CHD9: variants seen among roughly 807,000 people sequenced by gnomAD.
The protein encoded by CHD9 is ATP-dependent chromatin remodeler CHD9.
Under a neutral mutation model 316.1 loss-of-function variants are expected in CHD9, and 77 were observed. The ratio of observed to expected loss-of-function variants is 0.24; its 90% confidence interval spans 0.20 to 0.29. The LOEUF is 0.29. CHD9 is among the 10% of genes least tolerant of loss of function. CHD9 has a pLI of 1.00. For synonymous variants in CHD9, 1,129 were observed against 1,158.3 expected (o/e 0.97, Z 0.51); for missense variants, 2,763 against 3,438.1 (o/e 0.80, Z 4.91).
chr16:53,269,889 C>A (rs200493570), intron 22 of CHD9, among the ~76,000 whole-genome samples: 1 of 152,134 alleles, frequency 6.6e-6, no homozygotes, highest in East Asian at 1.9e-4. Context: ...TCCCGCCCCC[C>A]ACAATGAAGA....
At chr16:53,296,879 T>G (rs571138995) in intron 29 of CHD9, 77 bp from the exon 30 acceptor site, 1 of 924,742 alleles carries the variant, frequency 1.1e-6, no homozygotes, top group Non-Finnish European at 1.7e-6. Context: ...TAAGTTTGTA[T>G]TATAGTCATT....
chr16:53,210,595 T>G (rs568240758), intron 3 of CHD9, among the ~76,000 whole-genome samples: 8 of 152,200 alleles, frequency 5.3e-5, no homozygotes, highest in Non-Finnish European at 7.4e-5. Context: ...TTTAGAATTG[T>G]TTTTTCAGGA....
At chr16:53,212,075 G>A (rs905867498) in intron 3 of CHD9, among the ~76,000 whole-genome samples, 4 of 152,072 alleles carry the variant, frequency 2.6e-5, no homozygotes, top group African/African-American at 9.7e-5. Context: ...GGAAAGCAGT[G>A]CAACTTAATC....
chr16:53,074,096 A>G (rs896307399), intron 1 of CHD9, among the ~76,000 whole-genome samples: 1 of 152,236 alleles, frequency 6.6e-6, no homozygotes, highest in Non-Finnish European at 1.5e-5. Flanking sequence ...TCTCAGATAG[A>G]GTTAAGGAAC....
intron 26 of CHD9, 120 bp from the exon 27 acceptor site, chr16:53,287,837 A>G (rs2054013996): frequency 6.6e-6 from 5 of 760,628 alleles, no homozygotes; most frequent in South Asian, 1.6e-5. Flanking sequence ...TCTTCTGGCT[A>G]GAGAAGAGAC....
chr16:53,299,637 T>C (rs2055167261), intron 30 of CHD9: 6 of 368,408 alleles, frequency 1.6e-5, no homozygotes, highest in South Asian at 1.5e-4. Flanking sequence ...GAGCTTCCTT[T>C]TGAGTGACAT....
chr16:53,147,582 C>G (rs1405830732), intron 1 of CHD9, among the ~76,000 whole-genome samples: 2 of 152,186 alleles, frequency 1.3e-5, no homozygotes, highest in African/African-American at 4.8e-5. Flanking sequence ...TTTTCCCATT[C>G]TAAATACTTC....
chr16:53,137,743 A>T (rs1048672027), intron 1 of CHD9, among the ~76,000 whole-genome samples: 1 of 152,166 alleles, frequency 6.6e-6, no homozygotes, highest in African/African-American at 2.4e-5. Context: ...ATGAGTACCC[A>T]TGTTGTACCT....
At chr16:53,214,840 A>G (rs1343709307) in intron 3 of CHD9, among the ~76,000 whole-genome samples, 2 of 152,196 alleles carry the variant, frequency 1.3e-5, no homozygotes, top group Non-Finnish European at 2.9e-5. Context: ...AAATATTGCC[A>G]GTTAAAACTA....
At chr16:53,282,076 C>T (rs919877950) in intron 24 of CHD9, among the ~76,000 whole-genome samples, 23 of 152,134 alleles carry the variant, frequency 1.5e-4, no homozygotes, top group Non-Finnish European at 4.4e-5. Flanking sequence ...CTGACTGGAT[C>T]TGATCCACTT....
chr16:53,057,833 C>G (rs2032347602), intron 1 of CHD9, among the ~76,000 whole-genome samples: 1 of 152,138 alleles, frequency 6.6e-6, no homozygotes, highest in Non-Finnish European at 1.5e-5. Context: ...GGTTTCAGCT[C>G]TTGTGCTATA....
chr16:53,077,488 T>C (rs2034641354), intron 1 of CHD9, among the ~76,000 whole-genome samples: 1 of 151,738 alleles, frequency 6.6e-6, no homozygotes, highest in African/African-American at 2.4e-5. Context: ...CACGCCCAGT[T>C]AATTTTGTTT....
intron 2 of CHD9, among the ~76,000 whole-genome samples, chr16:53,185,313 T>G (rs902760840): frequency 6.6e-6 from 1 of 152,198 alleles, no homozygotes; most frequent in Non-Finnish European, 1.5e-5. Flanking sequence ...GATGGGCAGA[T>G]TGTTGGGAAC....
At chr16:53,124,022 T>G (rs2038862515) in intron 1 of CHD9, among the ~76,000 whole-genome samples, 1 of 152,236 alleles carries the variant, frequency 6.6e-6, no homozygotes, top group Non-Finnish European at 1.5e-5. Flanking sequence ...TTGGGTTGTT[T>G]CCACTTTTGG....
At chr16:53,215,036 C>A (rs1437018204) in intron 3 of CHD9, among the ~76,000 whole-genome samples, 1 of 152,066 alleles carries the variant, frequency 6.6e-6, no homozygotes, top group African/African-American at 2.4e-5. Context: ...CCTCAGCCTC[C>A]CAAGTAGCTG....
intron 1 of CHD9, among the ~76,000 whole-genome samples, chr16:53,091,138 C>T (rs2035909317): frequency 6.6e-6 from 1 of 152,186 alleles, no homozygotes. Flanking sequence ...CCATCTGGAT[C>T]CACACCAACC....
At position 53,087,947 on chromosome 16, in the gene CHD9, C is replaced by CAA. The variant is rs61112383; in HGVS notation, c.-165+32884_-165+32885dup. ...TGGGCAACAGAGCAAGAGTCTGTCT[C>CAA]AAAAAAAAAAAAAAATAGAAATCCA... On this transcript the variant is annotated intron_variant, in intron 1 of 38. Transcript: ENST00000447540. 1.1e-4 allele frequency among the ~76,000 whole-genome samples: 13 copies of CAA among 122,752 alleles called. No homozygotes were observed. In the East Asian group the frequency reaches 2.7e-3, roughly 26 times the overall value. The allele number at this position is 122,752 out of a possible 152,430, so 80.5% of individuals were successfully genotyped here.
chr16:53,242,798 A>T, intron 12 of CHD9, 42 bp from the exon 13 acceptor site: 1 of 1,542,682 alleles, frequency 6.5e-7, no homozygotes, highest in Non-Finnish European at 8.9e-7. Context: ...AAAATATGCA[A>T]TTAAAATATT....
Position 53,324,724 on chromosome 16 carries a change from A to G in CHD9, c.8523A>G (p.Glu2841=), listed in dbSNP as rs1299789194. 3 of 1,613,444 alleles carry G rather than the reference A, an allele frequency of 1.9e-6. No homozygotes were observed. Among genetic ancestry groups the G allele is most frequent in the Non-Finnish European group, 2.5e-6 (3 of 1,179,656 alleles). ...ACTTAGGCTCGTCTAAGTCTGTAGA[A>G]GTAAAAGAAGAAGATTCCAGAATTA... is the stretch of plus-strand genomic sequence containing the variant. The part of the protein sequence containing the change: ...NSDLGSSKSV[E]VKEEDSRIKD... The change falls in exon 39 of 39, where the codon GAA becomes GAG. Residue 2841 remains glutamate (E), a synonymous_variant. Coordinates refer to ENST00000447540, the MANE Select transcript of CHD9 (RefSeq NM_001308319.2).
Sources: gnomAD v4.1 joint callset for allele counts (sites outside exome capture counted in the v4.1 genomes callset) on GRCh38, gnomAD v4.1.1 for gene constraint, MANE v1.5 for transcripts, NCBI Gene and HGNC (gene_info 2026-07-23, HGNC 2026-07-21) for gene names.